Variants in ZSCAN5A observed in about 807,000 individuals in gnomAD.
ZSCAN5A encodes zinc finger and SCAN domain-containing protein 5A.
In ZSCAN5A, 12 loss-of-function variants were observed where a neutral mutation model predicts 23.7. The observed-to-expected ratio is 0.51, with a 90% confidence interval of 0.32 to 0.82. ZSCAN5A has a LOEUF of 0.82. Among genes scored for constraint, ZSCAN5A ranks in the 40% least tolerant of loss-of-function variants. ZSCAN5A has a pLI of 0.03. For missense variants in ZSCAN5A, 597 were observed against 617.9 expected, an observed-to-expected ratio of 0.97 and a Z score of 0.36; for synonymous variants, 257 against 239.9, an observed-to-expected ratio of 1.07 and a Z score of -0.66.
At position 56,341,568 on chromosome 19, in the gene ZSCAN5A, A is replaced by C. The variant is rs139959549; in HGVS notation, c.-358+21667T>G. On this transcript the variant is annotated intron_variant, in intron 2 of 6. Coordinates refer to the ZSCAN5A transcript ENST00000587340. ...TTAGACCCAGGAGTCAAGGCCCTGT[A>C]ACTCAATGTCACAAGGACTTTAAAA... Among the ~76,000 whole-genome samples, 482 of 152,266 alleles carry C rather than the reference A, an allele frequency of 3.2e-3. 5 individuals are homozygous for C. Among genetic ancestry groups the C allele is most frequent in the African/African-American group, 0.011 (468 of 41,536 alleles).
chr19:56,308,639 T>G (rs1305484054), intron 2 of ZSCAN5A, among the ~76,000 whole-genome samples: 1 of 150,626 alleles, frequency 6.6e-6, no homozygotes, highest in Non-Finnish European at 1.5e-5. Flanking sequence ...AAATCATTTC[T>G]GATTCCCCCC....
At chr19:56,346,628 C>T (rs949609138) in intron 2 of ZSCAN5A, among the ~76,000 whole-genome samples, 3 of 152,014 alleles carry the variant, frequency 2.0e-5, no homozygotes, top group African/African-American at 7.2e-5. Flanking sequence ...ACCCCATTAG[C>T]TCAGGGGGAT....
rs1423606016 is a variant in ZSCAN5A, at chr19:56,222,168, T to C, written c.898A>G (p.Ser300Gly). ...GAAATGGAGGAGGCATCTGGTTTGC[T>C]TCTTTTGGGACTGCTCAGATTCAGA... Reference protein sequence around the residue: ...DALNLSSPKRSKPDASSISQE... With the variant: ...DALNLSSPKRGKPDASSISQE... Residue 300 changes from serine to glycine, a missense_variant, in exon 6 of 6, where the codon AGC becomes GGC. Around this residue, in one of 5 missense-constraint regions of ZSCAN5A, gnomAD observed 406 missense variants for 353.2 expected, o/e 1.15. Transcript: ENST00000683990. The C allele has an allele frequency of 1.2e-5, 19 of 1,613,950 alleles. No individual in the cohort carries two copies. The highest frequency in any genetic ancestry group is 1.6e-5 in the Non-Finnish European group (19 of 1,180,034).
intron 2 of ZSCAN5A, among the ~76,000 whole-genome samples, chr19:56,265,747 C>A (rs535558918): frequency 6.6e-6 from 1 of 152,256 alleles, no homozygotes; most frequent in South Asian, 2.1e-4. Context: ...ACCTGAAAAG[C>A]ATTAAATCTG....
chr19:56,242,847 C>T (rs917315620), intron 2 of ZSCAN5A, among the ~76,000 whole-genome samples: 8 of 152,136 alleles, frequency 5.3e-5, no homozygotes, highest in South Asian at 4.1e-4. Flanking sequence ...GGCGTGATGT[C>T]GGCTCACTAC....
At chr19:56,362,559 TAAATA>T (rs1171562903) in intron 2 of ZSCAN5A, among the ~76,000 whole-genome samples, 2 of 151,196 alleles carry the variant, frequency 1.3e-5, no homozygotes, top group Admixed American at 1.3e-4. Flanking sequence ...TCCATCTCAA[TAAATA>T]AAATAAAATA....
chr19:56,358,721 A>G (rs747182700), intron 2 of ZSCAN5A, among the ~76,000 whole-genome samples: 12 of 152,150 alleles, frequency 7.9e-5, no homozygotes, highest in Non-Finnish European at 1.5e-4. Context: ...AAATCATAAC[A>G]GTCTCTCAGT....
At chr19:56,303,071 C>G (rs35056636) in intron 2 of ZSCAN5A, 41,526 of 393,338 alleles carry the variant, frequency 0.11, 2,546 homozygotes, top group Middle Eastern at 0.19. Context: ...GACACCTCTG[C>G]TGTGGGTTAA....
intron 2 of ZSCAN5A, among the ~76,000 whole-genome samples, chr19:56,302,590 T>TCCCCTC (rs2040387931): frequency 2.9e-5 from 1 of 34,214 alleles, no homozygotes; most frequent in Admixed American, 3.6e-4. Context: ...CCCCTTTTCT[T>TCCCCTC]CCTCTCCCTC....
chr19:56,288,781 T>C (rs1007479444), intron 2 of ZSCAN5A, among the ~76,000 whole-genome samples: 1 of 152,188 alleles, frequency 6.6e-6, no homozygotes, highest in African/African-American at 2.4e-5. Flanking sequence ...GGATGCTTAG[T>C]CAGTGGTGTC....
intron 2 of ZSCAN5A, among the ~76,000 whole-genome samples, chr19:56,346,056 A>T (rs1311316251): frequency 6.6e-6 from 1 of 152,048 alleles, no homozygotes; most frequent in Non-Finnish European, 1.5e-5. Flanking sequence ...CACGTTCCTC[A>T]TGCAGCAGAG....
At chr19:56,322,378 C>A in intron 2 of ZSCAN5A, 1 of 724,448 alleles carries the variant, frequency 1.4e-6, no homozygotes, top group East Asian at 2.5e-5. Context: ...CACCTCTCAG[C>A]CGGCAGGCTT....
chr19:56,245,400 G>C (rs771822912), intron 2 of ZSCAN5A: 3 of 741,262 alleles, frequency 4.0e-6, no homozygotes, highest in Non-Finnish European at 7.5e-6. Flanking sequence ...ACCCTGCCCA[G>C]GGTCCCTGCA....
intron 2 of ZSCAN5A, among the ~76,000 whole-genome samples, chr19:56,358,121 T>C (rs1384526345): frequency 6.7e-6 from 1 of 148,890 alleles, no homozygotes; most frequent in African/African-American, 2.5e-5. Context: ...AAACAAGTTA[T>C]TTTTATTTTG....
chr19:56,282,464 T>A, intron 2 of ZSCAN5A: 2 of 985,196 alleles, frequency 2.0e-6, no homozygotes. Context: ...ATCGGTCCTG[T>A]CCTTCCTGCT....
chr19:56,321,201 A>G (rs997094888), intron 2 of ZSCAN5A: 4 of 664,868 alleles, frequency 6.0e-6, no homozygotes, highest in Non-Finnish European at 1.1e-5. Context: ...AATGAAGTTA[A>G]TATCTTCTTC....
Position 56,221,586 on chromosome 19 carries a change from T to C in ZSCAN5A, c.1480A>G (p.Thr494Ala), listed in dbSNP as rs777075627. 1.7e-5 allele frequency: 27 copies of C among 1,597,162 alleles called. No homozygotes were observed. Among genetic ancestry groups the C allele is most frequent in the Non-Finnish European group, 2.3e-5 (27 of 1,172,422 alleles). ...ACCGGATTATGCAATCACTGAGAAG[T>C]AGCTTCTGGATGTGTTTTCTGGTGG... is the stretch of plus-strand genomic sequence containing the variant. ...RRHQKTHPEA[T>A]SQ Residue 494 changes from threonine (T) to alanine (A), a missense_variant, in exon 6 of 6, where the codon ACT becomes GCT. Physicochemically the swap from Thr to Ala is moderately conservative, Grantham distance 58. Coordinates refer to ENST00000683990, the MANE Select transcript of ZSCAN5A (RefSeq NM_001322064.3).
chr19:56,239,279 TGAG>T (rs2035223437), intron 2 of ZSCAN5A, among the ~76,000 whole-genome samples: 1 of 152,242 alleles, frequency 6.6e-6, no homozygotes, highest in Non-Finnish European at 1.5e-5. Context: ...TAAAAATGAA[TGAG>T]CCACAATTTG....
At chr19:56,343,265 T>A in intron 2 of ZSCAN5A, 1 of 821,588 alleles carries the variant, frequency 1.2e-6, no homozygotes, top group Non-Finnish European at 2.0e-6. Context: ...AGTATTCCTC[T>A]GTGAGGAGGC....
Sources: allele counts gnomAD v4.1 joint callset (sites outside exome capture counted in the v4.1 genomes callset), GRCh38; gene constraint gnomAD v4.1.1; regional missense constraint gnomAD v4.1.1; transcripts MANE v1.5; gene names NCBI Gene and HGNC (gene_info 2026-07-23, HGNC 2026-07-21).